The following NHS variants were observed in gnomAD, a reference collection of about 807,000 sequenced individuals.
NHS encodes the protein NHS actin remodeling regulator, also known as actin remodeling regulator NHS.
NHS carries 5 observed loss-of-function variants against 72.5 expected under a neutral mutation model. The observed-to-expected ratio is 0.07, with a 90% CI of 0.04 to 0.14. NHS has a LOEUF of 0.14. Ranked by LOEUF, NHS falls within the 10% of genes least tolerant of loss-of-function variation. The probability of loss-of-function intolerance (pLI) is 1.00; values close to 1 mark genes in which losing one functional copy is unlikely to be tolerated. For synonymous variants in NHS, 464 were observed against 547.7 expected (o/e 0.85, Z 2.13); for missense variants, 1,072 against 1,355.7 (o/e 0.79, Z 3.29).
intron 1 of NHS, among the ~76,000 whole-genome samples, chrX:17,489,401 CCCA>C (rs1306815045): frequency 8.9e-6 from 1 of 112,510 alleles, no homozygotes; most frequent in Non-Finnish European, 1.9e-5. Flanking sequence ...AATTTACACT[CCCA>C]CCAACAGTGT....
chrX:17,430,111 C>CTTCCTTCA (rs1358028742), intron 1 of NHS, among the ~76,000 whole-genome samples: 2 of 103,006 alleles, frequency 1.9e-5, no homozygotes, highest in African/African-American at 7.3e-5. Context: ...TCCTTCCTTC[C>CTTCCTTCA]TTCCTTTCCT....
At chrX:17,626,938 C>T (rs1372984004) in intron 1 of NHS, among the ~76,000 whole-genome samples, 2 of 112,137 alleles carry the variant, frequency 1.8e-5, no homozygotes, top group Non-Finnish European at 1.9e-5. Flanking sequence ...TTACTTATTA[C>T]TCTCCAAATG....
chrX:17,669,057 A>G (rs1387322198), intron 1 of NHS, among the ~76,000 whole-genome samples: 2 of 112,274 alleles, frequency 1.8e-5, no homozygotes, highest in East Asian at 5.6e-4. Context: ...CAAGGCAAGA[A>G]GCATCTGCCA....
chrX:17,403,816 C>T (rs1329638992), intron 1 of NHS, among the ~76,000 whole-genome samples: 1 of 111,619 alleles, frequency 9.0e-6, no homozygotes, highest in East Asian at 2.8e-4. Flanking sequence ...GTCCTTCACT[C>T]CTGGCCACAT....
intron 1 of NHS, among the ~76,000 whole-genome samples, chrX:17,652,863 T>C (rs2065936781): frequency 9.0e-6 from 1 of 111,626 alleles, no homozygotes; most frequent in East Asian, 2.8e-4. Context: ...TATGTATAAT[T>C]ATTATGTATC....
intron 1 of NHS, among the ~76,000 whole-genome samples, chrX:17,684,950 A>G (rs2066153249): frequency 8.9e-6 from 1 of 112,341 alleles, no homozygotes; most frequent in Non-Finnish European, 1.9e-5. Flanking sequence ...GCTATCTTGC[A>G]TAACTTAGCC....
At chrX:17,622,001 C>T (rs1464382071) in intron 1 of NHS, among the ~76,000 whole-genome samples, 1 of 112,112 alleles carries the variant, frequency 8.9e-6, no homozygotes, top group Non-Finnish European at 1.9e-5. Context: ...TAATAGCCAT[C>T]AATACCTGAG....
chrX:17,604,228 TCACACACACA>T (rs59367930), intron 1 of NHS, among the ~76,000 whole-genome samples: 5 of 92,272 alleles, frequency 5.4e-5, no homozygotes, highest in African/African-American at 1.2e-4. Flanking sequence ...TATTAATAGA[TCACACACACA>T]CACACACACA....
At chrX:17,530,403 C>T (rs2065192900) in intron 1 of NHS, among the ~76,000 whole-genome samples, 1 of 111,227 alleles carries the variant, frequency 9.0e-6, no homozygotes, top group Admixed American at 9.5e-5. Context: ...GTGCTACCGA[C>T]CCCATTTGTC....
At chrX:17,604,247 C>T (rs1438379642) in intron 1 of NHS, among the ~76,000 whole-genome samples, 1 of 109,630 alleles carries the variant, frequency 9.1e-6, no homozygotes, top group East Asian at 2.8e-4. Flanking sequence ...CACACACACA[C>T]ACACACACAC....
At chrX:17,468,001 C>T (rs1256162652) in intron 1 of NHS, among the ~76,000 whole-genome samples, 1 of 111,445 alleles carries the variant, frequency 9.0e-6, no homozygotes, top group East Asian at 2.8e-4. Context: ...TTGTCTCTTA[C>T]TGTCCCCCAC....
At chrX:17,587,991 G>C (rs1014004390) in intron 1 of NHS, among the ~76,000 whole-genome samples, 2 of 112,083 alleles carry the variant, frequency 1.8e-5, no homozygotes, top group South Asian at 7.4e-4. Flanking sequence ...CCATAGTAAT[G>C]GTGGCTCCAA....
At chrX:17,657,933 C>T (rs1329226937) in intron 1 of NHS, among the ~76,000 whole-genome samples, 1 of 112,972 alleles carries the variant, frequency 8.9e-6, no homozygotes, top group East Asian at 2.8e-4. Context: ...CTACTCTTTC[C>T]TTTCCAGGTG....
At chrX:17,539,362 A>G (rs1376013755) in intron 1 of NHS, among the ~76,000 whole-genome samples, 6 of 109,754 alleles carry the variant, frequency 5.5e-5, no homozygotes, top group African/African-American at 2.0e-4. Flanking sequence ...GCGACATAGC[A>G]TATAATTGGT....
intron 1 of NHS, among the ~76,000 whole-genome samples, chrX:17,572,541 T>G (rs1398755008): frequency 1.1e-5 from 1 of 90,647 alleles, no homozygotes; most frequent in African/African-American, 4.2e-5. Context: ...TAGGTCTTCC[T>G]CCATCCCTTT....
chrX:17,412,916 G>C (rs1034721643), intron 1 of NHS, among the ~76,000 whole-genome samples: 3 of 112,611 alleles, frequency 2.7e-5, no homozygotes, highest in Non-Finnish European at 5.6e-5. Flanking sequence ...AGCAGCCATA[G>C]ACAATACGTA....
chrX:17,722,770 C>A (rs1270740897), intron 5 of NHS, among the ~76,000 whole-genome samples: 2 of 110,217 alleles, frequency 1.8e-5, no homozygotes, highest in Non-Finnish European at 3.8e-5. Context: ...CATTTTGGCA[C>A]CCTCTTAAGC....
chrX:17,624,730 C>G (rs1254647233), intron 1 of NHS, among the ~76,000 whole-genome samples: 2 of 112,993 alleles, frequency 1.8e-5, no homozygotes, highest in Non-Finnish European at 3.7e-5. Flanking sequence ...GTTTTGGACT[C>G]TCACTAATAG....
intron 3 of NHS, among the ~76,000 whole-genome samples, chrX:17,708,657 T>C (rs1409568550): frequency 9.0e-6 from 1 of 110,900 alleles, no homozygotes; most frequent in Non-Finnish European, 1.9e-5. Flanking sequence ...AACATAGTAT[T>C]TGAGAAGGCC....
Sources: allele counts gnomAD v4.1 joint callset (sites outside exome capture counted in the v4.1 genomes callset), GRCh38; gene constraint gnomAD v4.1.1; transcripts MANE v1.5; gene names NCBI Gene and HGNC (gene_info 2026-07-23, HGNC 2026-07-21).